Variants in MEGF6 observed in about 807,000 individuals in gnomAD.
MEGF6 encodes multiple EGF like domains 6.
A neutral mutation model predicts 207.1 loss-of-function variants in MEGF6; 184 were observed. The ratio of observed to expected loss-of-function variants is 0.89; its 90% confidence interval spans 0.79 to 1.00. The LOEUF (loss-of-function observed/expected upper bound fraction) is 1.00. MEGF6 is among the 50% of genes least tolerant of loss of function. The pLI, the probability that MEGF6 is intolerant of heterozygous loss-of-function variation, is 0.00. For synonymous variants in MEGF6, 1,038 were observed against 910.0 expected (o/e 1.14, Z -2.53); for missense variants, 2,282 against 2,202.9 (o/e 1.04, Z -0.72).
intron 1 of MEGF6, among the ~76,000 whole-genome samples, chr1:3,604,988 A>G (rs1644220905): frequency 6.6e-6 from 1 of 151,460 alleles, no homozygotes; most frequent in Non-Finnish European, 1.5e-5. Context: ...GCCCCACCCC[A>G]CCCTGCTGTG....
At chr1:3,497,854 G>T (rs1044195179) in intron 26 of MEGF6, among the ~76,000 whole-genome samples, 2 of 152,218 alleles carry the variant, frequency 1.3e-5, no homozygotes, top group East Asian at 1.9e-4. Flanking sequence ...CGGCGCCTCT[G>T]CTGGAAGGGG....
chr1:3,525,387 T>G (rs1641924291), intron 4 of MEGF6, among the ~76,000 whole-genome samples: 1 of 152,134 alleles, frequency 6.6e-6, no homozygotes, highest in Non-Finnish European at 1.5e-5. Flanking sequence ...CTGAGGCCTC[T>G]CCCCGCATCT....
chr1:3,584,442 G>A (rs977105609), intron 3 of MEGF6, among the ~76,000 whole-genome samples: 3 of 152,220 alleles, frequency 2.0e-5, no homozygotes, highest in Non-Finnish European at 4.4e-5. Context: ...GTGACCACCA[G>A]GCGGATCAAG....
At chr1:3,503,061 G>C (rs1338632351) in intron 17 of MEGF6, among the ~76,000 whole-genome samples, 1 of 152,216 alleles carries the variant, frequency 6.6e-6, no homozygotes, top group Non-Finnish European at 1.5e-5. Context: ...CCACAGCGGG[G>C]CTGAGAGCCA....
chr1:3,490,228 A>G lies in MEGF6; in HGVS notation c.*300T>C, dbSNP rs1640297093. On this transcript the variant is annotated 3_prime_UTR_variant, in exon 37 of 37. Coordinates refer to ENST00000356575, the MANE Select transcript of MEGF6 (RefSeq NM_001409.4). ...GGCGCCCACACCTGTCCTCAGTCCA[A>G]CTCAGAGCCGCGGGGAGAGCGGGAC... The G allele has an allele frequency of 2.1e-6, 1 of 476,888 alleles. No homozygotes were observed. Among genetic ancestry groups the G allele is most frequent in the Non-Finnish European group, 3.7e-6 (1 of 269,854 alleles). The allele number at this position is 476,888 out of a possible 1,614,324, so 29.5% of individuals were successfully genotyped here.
chr1:3,591,146 G>T (rs986809103), intron 3 of MEGF6, among the ~76,000 whole-genome samples: 1 of 152,064 alleles, frequency 6.6e-6, no homozygotes, highest in Non-Finnish European at 1.5e-5. Context: ...ACCAGCAGCC[G>T]CGCCCCGCCC....
Position 3,501,859 on chromosome 1 carries a change from A to AG in MEGF6, c.2250dup (p.Cys751LeufsTer20). On this transcript the variant is annotated frameshift_variant, in exon 18 of 37. Coordinates refer to ENST00000356575, the MANE Select transcript of MEGF6 (RefSeq NM_001409.4). LOFTEE classifies it high-confidence loss of function. ...CGGCACTGCCCCGTGACCCCGTGGC[A>AG]GGGGGCCCCCCCACAGGAGCAGGAG... 6.2e-7 allele frequency: 1 copy of AG among 1,607,890 alleles called. No individual in the cohort carries two copies. The highest frequency in any genetic ancestry group is 8.5e-7 in the Non-Finnish European group (1 of 1,178,308).
At chr1:3,603,921 T>C (rs1358346481) in intron 1 of MEGF6, among the ~76,000 whole-genome samples, 1 of 152,194 alleles carries the variant, frequency 6.6e-6, no homozygotes, top group African/African-American at 2.4e-5. Context: ...TGGGAAGCCC[T>C]GTGTCCCCTC....
At chr1:3,498,597 C>G (rs944449836) in intron 25 of MEGF6, 98 bp from the exon 26 acceptor site, 220 of 1,483,532 alleles carry the variant, frequency 1.5e-4, no homozygotes, top group Non-Finnish European at 1.8e-4. Flanking sequence ...AAGCCTACAC[C>G]CCAGGGCGCT....
chr1:3,544,838 CGG>C (rs1553199839), intron 4 of MEGF6, among the ~76,000 whole-genome samples: 1 of 152,086 alleles, frequency 6.6e-6, no homozygotes, highest in Non-Finnish European at 1.5e-5. Context: ...CGGGGAACAG[CGG>C]GGCAGAGGAG....
rs918414186 is a variant in MEGF6 at position 3,524,370 on chromosome 1, G to C, written c.482-124C>G. 1.6e-6 allele frequency: 2 copies of C among 1,272,156 alleles called. 1 individual carries two copies. 78.8% of individuals were successfully genotyped at this position (1,272,156 alleles called of 1,614,324 possible). On this transcript the variant is annotated intron_variant, in intron 4 of 36. Transcript: ENST00000356575. ...CCCGTGCCTCGAGGGCACCACCCAT[G>C]AGCCCCTCACCCACATCTGCCGGAG... is the stretch of plus-strand genomic sequence containing the variant.
At chr1:3,534,618 C>A (rs1642272288) in intron 4 of MEGF6, among the ~76,000 whole-genome samples, 1 of 152,164 alleles carries the variant, frequency 6.6e-6, no homozygotes, top group South Asian at 2.1e-4. Context: ...GACCATGCCC[C>A]TTCCCGGCCC....
intron 3 of MEGF6, among the ~76,000 whole-genome samples, chr1:3,592,376 C>G (rs1302559073): frequency 1.3e-5 from 2 of 152,170 alleles, no homozygotes; most frequent in Non-Finnish European, 1.5e-5. Context: ...GGCAGCCCCC[C>G]AGACACTCCC....
Position 3,515,383 on chromosome 1 carries a change from C to T in MEGF6, c.730+19G>A. 6.2e-7 allele frequency: 1 copy of T among 1,604,642 alleles called. No homozygotes were observed. Among genetic ancestry groups the T allele is most frequent in the South Asian group, 1.1e-5 (1 of 89,720 alleles). On this transcript the variant is annotated intron_variant, in intron 6 of 36. Coordinates refer to ENST00000356575, the MANE Select transcript of MEGF6 (RefSeq NM_001409.4). ...TGCCTCCACCCCCAGGTCCTCCCTC[C>T]CAGGCTGGCAGCACTCACGGACACA...
chr1:3,541,243 C>T (rs1033497799), intron 4 of MEGF6, among the ~76,000 whole-genome samples: 5 of 152,348 alleles, frequency 3.3e-5, no homozygotes, highest in East Asian at 3.9e-4. Context: ...GCGGGGCTGC[C>T]GCCCAGGCTT....
rs954506074 is a variant in MEGF6, at chr1:3,577,072, A to G, written c.481+2753T>C. On this transcript the variant is annotated intron_variant, in intron 4 of 36. Transcript: ENST00000356575. ...CTGCACACCCAGCTCTACACACTCC[A>G]TCCTGAATGTCCAGCCCTGCATAAT... 3.3e-5 allele frequency among the ~76,000 whole-genome samples: 5 copies of G among 151,828 alleles called. No homozygotes were observed. The East Asian group carries it at 9.7e-4, about 29-fold the overall frequency.
At chr1:3,591,901 C>T (rs555531395) in intron 3 of MEGF6, among the ~76,000 whole-genome samples, 461 of 151,876 alleles carry the variant, frequency 3.0e-3, no homozygotes, top group South Asian at 6.2e-3. Context: ...GGGGCTGCTA[C>T]CAAGGTCTCG....
chr1:3,577,467 CAGCAG>C, intron 4 of MEGF6, among the ~76,000 whole-genome samples: 1 of 152,390 alleles, frequency 6.6e-6, no homozygotes, highest in Middle Eastern at 3.4e-3. Context: ...AGCTGAGCAC[CAGCAG>C]CTGCTGGGTC....
chr1:3,579,980 G>C, intron 3 of MEGF6, 51 bp from the exon 4 acceptor site: 1 of 1,355,720 alleles, frequency 7.4e-7, no homozygotes, highest in Non-Finnish European at 9.9e-7. Flanking sequence ...GGGTGAGGCA[G>C]GGGGAGGTGA....
Sources: allele counts gnomAD v4.1 joint callset (sites outside exome capture counted in the v4.1 genomes callset), GRCh38; gene constraint gnomAD v4.1.1; transcripts MANE v1.5; gene names NCBI Gene and HGNC (gene_info 2026-07-23, HGNC 2026-07-21).